Variants in YDJC observed in about 807,000 individuals in gnomAD.
YDJC encodes YdjC chitooligosaccharide deacetylase homolog, also known as carbohydrate deacetylase.
YDJC carries 23 observed loss-of-function variants against 18.9 expected under a neutral mutation model. The observed-to-expected ratio is 1.22, with a 90% confidence interval of 0.87 to 1.72. The LOEUF (loss-of-function observed/expected upper bound fraction) is 1.72, where lower values mean the gene tolerates loss of function less well. Ranked by LOEUF, YDJC falls within the 40% of genes most tolerant of loss-of-function variation. The pLI, the probability that YDJC is intolerant of heterozygous loss-of-function variation, is 0.00. For synonymous variants in YDJC, 224 were observed against 217.6 expected (o/e 1.03, Z -0.26); for missense variants, 467 against 470.8 (o/e 0.99, Z 0.07).
Position 21,628,525 on chromosome 22 carries a change from C to CCTGGGCAAG in YDJC, c.856_864dup (p.Leu286_Gln288dup). The CCTGGGCAAG allele has an allele frequency of 6.2e-7, 1 of 1,612,336 alleles. No homozygotes were observed. The highest frequency in any genetic ancestry group is 8.5e-7 in the Non-Finnish European group (1 of 1,179,082). On this transcript the variant is annotated inframe_insertion, in exon 5 of 5. Coordinates refer to ENST00000292778, the MANE Select transcript of YDJC (RefSeq NM_001017964.2). The stretch of plus-strand genomic sequence containing the variant: ...TCGAGGGCGCAAAGCTGCACGCCAT[C>CCTGGGCAAG]CTGGGCAAGCTGGGCCCGCAGCGTG...
Position 21,629,725 on chromosome 22 carries a change from G to A in YDJC, c.201C>T (p.Ser67=), listed in dbSNP as rs986584298. ...SIPTGLHANL[S]EGRPVGPARR... ...GGGCCGGACCCACGGGGCGGCCCTC[G>A]GACAGGTTGGCGTGGAGGCCCGTGG... Residue 67 remains serine (S), a synonymous_variant, in exon 2 of 5, where the codon TCC becomes TCT. Coordinates refer to ENST00000292778, the MANE Select transcript of YDJC (RefSeq NM_001017964.2). 37 of 1,567,300 alleles carry A rather than the reference G, an allele frequency of 2.4e-5. No homozygotes were observed. The highest frequency in any genetic ancestry group is 3.1e-5 in the Non-Finnish European group (36 of 1,158,844).
Position 21,628,472 on chromosome 22 carries a change from C to A in YDJC, c.918G>T (p.Glu306Asp). 6.3e-7 allele frequency: 1 copy of A among 1,598,792 alleles called. No individual in the cohort carries two copies. ...CCAGAGTGGGCTCACAGGGGACCTC[C>A]TCCCCTGGCCTCTTGGAGTCCAGGT... ...LDDLDSKRPG[E>D]EVPCEPTLEP... Residue 306 changes from glutamate (E) to aspartate (D), a missense_variant, in exon 5 of 5, where the codon GAG (glutamate) becomes GAT (aspartate). Physicochemically the swap from Glu to Asp is conservative, Grantham distance 45 (BLOSUM62 2). Transcript: ENST00000292778.
At chr22:21,629,500 T>C (rs746068374) in intron 2 of YDJC, 93 bp from the exon 3 acceptor site, 1 of 1,569,784 alleles carries the variant, frequency 6.4e-7, no homozygotes, top group Non-Finnish European at 8.6e-7. Flanking sequence ...AGTGTTTGAA[T>C]GCGGAAGTCA....
In YDJC at chr22:21,628,499, G is replaced by C. The variant is rs1229148846; in HGVS notation, c.891C>G (p.Asp297Glu). ...CCCCTGGCCTCTTGGAGTCCAGGTC[G>C]TCGAGGGCGCAAAGCTGCACGCCAT... is the stretch of plus-strand genomic sequence containing the variant. ...AQDGVQLCAL[D>E]DLDSKRPGEE... The change falls in exon 5 of 5, where the codon GAC (aspartate) becomes GAG (glutamate). Residue 297 changes from aspartate (D) to glutamate (E), a missense_variant. Asp to Glu is a conservative substitution (Grantham distance 45, BLOSUM62 2). Transcript: ENST00000292778. 5.0e-6 allele frequency: 8 copies of C among 1,611,342 alleles called. No individual in the cohort carries two copies. The highest frequency in any genetic ancestry group is 6.8e-6 in the Non-Finnish European group (8 of 1,178,276).
Position 21,629,616 on chromosome 22 carries a change from C to G in YDJC, c.310G>C (p.Val104Leu), listed in dbSNP as rs778200780. ...GFREAVAAGD[V>L]DLPQVREELE... Reference sequence around the variant, plus strand: ...CGGCTCCGCACCTGAGGCAAATCCACGTCTCCGGCCGCCACCGCCTCCCGG... The same window carrying G: ...CGGCTCCGCACCTGAGGCAAATCCAGGTCTCCGGCCGCCACCGCCTCCCGG... Residue 104 changes from valine (V) to leucine (L), a missense_variant, in exon 2 of 5, where the codon GTG (valine) becomes CTG (leucine). Transcript: ENST00000292778. The G allele has an allele frequency of 5.6e-6, 9 of 1,612,362 alleles. No individual in the cohort carries two copies. The African/African-American group carries it at 6.7e-5, about 12-fold the overall frequency.
At position 21,629,996 on chromosome 22, in the gene YDJC, G is replaced by C. The variant is rs745861188; in HGVS notation, c.19C>G (p.Arg7Gly). The change falls in exon 1 of 5, where the codon CGC becomes GGC. Residue 7 changes from arginine to glycine, a missense_variant. Arg to Gly is a moderately radical substitution (Grantham distance 125). Transcript: ENST00000292778. ...AAGTCGTCCGCGGTGACCACCAGGC[G>C]CATGCGAGGGCGGGACATGGCCGCC... is the stretch of plus-strand genomic sequence containing the variant. MSRPRM[R>G]LVVTADDFGY... The C allele has an allele frequency of 3.1e-6, 5 of 1,598,358 alleles. No individual in the cohort carries two copies.
chr22:21,629,387 G>C lies in YDJC; in HGVS notation c.345C>G (p.Ala115=), dbSNP rs1350405395. The change falls in exon 3 of 5, where the codon GCC becomes GCG. Residue 115 remains alanine (A), a synonymous_variant. Coordinates refer to ENST00000292778, the MANE Select transcript of YDJC (RefSeq NM_001017964.2). ...GCAGCTCCCGGAAGCAGCTTAGTTG[G>C]GCCTCGAGCTCCTCCCGCACCTAGA... ...DLPQVREELE[A]QLSCFRELLG... 6.5e-7 allele frequency: 1 copy of C among 1,548,900 alleles called. No individual in the cohort carries two copies. The highest frequency in any genetic ancestry group is 1.2e-5 in the South Asian group (1 of 84,048).
Position 21,628,793 on chromosome 22 carries a change from G to C in YDJC, c.603-6C>G. Reference sequence around the variant, plus strand: ...CCACGAAGGCGTCTGTCCACCTGTGGGGGGCGGGACATCAGAGGTGGGACC... The same window carrying C: ...CCACGAAGGCGTCTGTCCACCTGTGCGGGGCGGGACATCAGAGGTGGGACC... On this transcript the variant is annotated splice_region_variant and splice_polypyrimidine_tract_variant and intron_variant, in intron 4 of 4. Coordinates refer to ENST00000292778, the MANE Select transcript of YDJC (RefSeq NM_001017964.2). The C allele has an allele frequency of 6.8e-7, 1 of 1,472,134 alleles. No homozygotes were observed. The highest frequency in any genetic ancestry group is 1.3e-5 in the South Asian group (1 of 75,188). The allele number at this position is 1,472,134 out of a possible 1,614,324, so 91.2% of individuals were successfully genotyped here.
chr22:21,629,559 T>C lies in YDJC; in HGVS notation c.324+43A>G, dbSNP rs1930404708. On this transcript the variant is annotated intron_variant, in intron 2 of 4. Coordinates refer to ENST00000292778, the MANE Select transcript of YDJC (RefSeq NM_001017964.2). ...TCACAGTACCCTCCGGGCGGAGCTC[T>C]GGGGGTCCTCGCGAGCATCCTCCTG... The C allele has an allele frequency of 2.5e-6, 4 of 1,612,032 alleles. No individual in the cohort carries two copies. In the South Asian group the frequency reaches 3.3e-5, roughly 13 times the overall value.
chr22:21,628,146 T>G lies in YDJC; in HGVS notation c.*272A>C. 1 of 347,512 alleles carries G rather than the reference T, an allele frequency of 2.9e-6. No homozygotes were observed. Among genetic ancestry groups the G allele is most frequent in the Non-Finnish European group, 5.2e-6 (1 of 193,414 alleles). The allele number at this position is 347,512 out of a possible 1,614,324, so 21.5% of individuals were successfully genotyped here. On this transcript the variant is annotated 3_prime_UTR_variant, in exon 5 of 5. Transcript: ENST00000292778. ...CCATCTCTCCCCACTGCCCCAGTGG[T>G]GAAGGTGTTTGCATTGCAACATGGA...
rs1458816068 is a variant in YDJC, at chr22:21,629,187, C to A, written c.425G>T (p.Gly142Val). 13 of 1,543,978 alleles carry A rather than the reference C, an allele frequency of 8.4e-6. No homozygotes were observed. In the Middle Eastern group the frequency reaches 8.4e-4, roughly 99 times the overall value. ...DGHQHVHVLP[G>V]VCQVFAEALQ... ...CGCCTCGGCGAACACCTGGCACACG[C>A]CTGCGGGCGGAGCGGGTCAGGGAGG... Residue 142 changes from glycine (G) to valine (V), a missense_variant and splice_region_variant, in exon 4 of 5, where the codon GGC (glycine) becomes GTC (valine). Transcript: ENST00000292778.
At chr22:21,629,208 G>C (rs1027179939) in intron 3 of YDJC, 21 bp from the exon 4 acceptor site, 5 of 1,546,948 alleles carry the variant, frequency 3.2e-6, no homozygotes, top group Non-Finnish European at 3.5e-6. Flanking sequence ...AGCGGGTCAG[G>C]GAGGAGCACG....
In YDJC at chr22:21,628,887, G is replaced by A. The variant is rs1021335130; in HGVS notation, c.603-100C>T. The A allele has an allele frequency of 2.1e-6, 3 of 1,403,998 alleles. No individual in the cohort carries two copies. The African/African-American group carries it at 4.4e-5, about 21-fold the overall frequency. The allele number at this position is 1,403,998 out of a possible 1,614,324, so 87.0% of individuals were successfully genotyped here. The stretch of plus-strand genomic sequence containing the variant: ...GGCGGGGTGGGAGGGGGTAACTGGG[G>A]TGGCGGCAGCGGTCGACGCCAGACT... On this transcript the variant is annotated intron_variant, in intron 4 of 4. Transcript: ENST00000292778.
In YDJC at chr22:21,629,016, C is replaced by T; in HGVS notation, c.596G>A (p.Gly199Asp). The change falls in exon 4 of 5, where the codon GGC becomes GAC. Residue 199 changes from glycine to aspartate, a missense_variant. By Grantham distance (94) the Gly-to-Asp change is moderately conservative (BLOSUM62 -1). Transcript: ENST00000292778. Reference protein sequence around the residue: ...RAAVGPFSRHGLRWTDAFVGL... With the variant: ...RAAVGPFSRHDLRWTDAFVGL... ...ACGGGGCGGGGAGCCTCACCGCAGGCCGTGGCGGGAGAAGGGGCCCACGGC... is the reference window on the plus strand; with the variant it reads ...ACGGGGCGGGGAGCCTCACCGCAGGTCGTGGCGGGAGAAGGGGCCCACGGC... 6.8e-7 allele frequency: 1 copy of T among 1,472,546 alleles called. No homozygotes were observed. 91.2% of individuals were successfully genotyped at this position (1,472,546 alleles called of 1,614,324 possible).
At position 21,628,600 on chromosome 22, in the gene YDJC, A is replaced by T; in HGVS notation, c.790T>A (p.Phe264Ile). ...TGCAGCCGCTCCCAAGAGCAAGAGA[A>T]AGCGTCGGGGCCTTCACCGCAGCCG... ...TGGCGEGPDAFSCSWERLHEL... is the reference protein window; with the variant it reads ...TGGCGEGPDAISCSWERLHEL... The change falls in exon 5 of 5, where the codon TTC becomes ATC. Residue 264 changes from phenylalanine to isoleucine, a missense_variant. Phe to Ile is a conservative substitution (Grantham distance 21). Coordinates refer to ENST00000292778, the MANE Select transcript of YDJC (RefSeq NM_001017964.2). 1 of 1,604,960 alleles carries T rather than the reference A, an allele frequency of 6.2e-7. No individual in the cohort carries two copies. Among genetic ancestry groups the T allele is most frequent in the Non-Finnish European group, 8.5e-7 (1 of 1,175,700 alleles).
At position 21,628,623 on chromosome 22, in the gene YDJC, C is replaced by T. The variant is rs577921345; in HGVS notation, c.767G>A (p.Gly256Asp). ...GAAAGCGTCGGGGCCTTCACCGCAG[C>T]CGCCGGTGGGAGGCACACTGGGGTA... The part of the protein sequence containing the change: ...PGYPSVPPTG[G>D]CGEGPDAFSC... Residue 256 changes from glycine (G) to aspartate (D), a missense_variant, in exon 5 of 5, where the codon GGC becomes GAC. Physicochemically the swap from Gly to Asp is moderately conservative, Grantham distance 94. Coordinates refer to ENST00000292778, the MANE Select transcript of YDJC (RefSeq NM_001017964.2). The T allele has an allele frequency of 1.8e-5, 29 of 1,592,116 alleles. No homozygotes were observed. The highest frequency in any genetic ancestry group is 8.8e-5 in the Admixed American group (5 of 56,750).
In YDJC at chr22:21,629,313, AGCACGT is replaced by A. The variant is rs2148458469; in HGVS notation, c.413_418del (p.His138_Val139del). 6.4e-7 allele frequency: 1 copy of A among 1,550,460 alleles called. No homozygotes were observed. The highest frequency in any genetic ancestry group is 1.4e-5 in the African/African-American group (1 of 73,152). On this transcript the variant is annotated inframe_deletion, in exon 3 of 5. Transcript: ENST00000292778. ...TGGGATCACTAACCACGCACCTGGG[AGCACGT>A]GCACGTGCTGGTGCCCGTCCGCGTG... is the stretch of plus-strand genomic sequence containing the variant.
Position 21,629,168 on chromosome 22 carries a change from G to C in YDJC, c.444C>G (p.Ala148=), listed in dbSNP as rs144900776. Residue 148 remains alanine, a synonymous_variant, in exon 4 of 5, where the codon GCC becomes GCG. Transcript: ENST00000292778. ...GCACCCCATAGGCCTGCAGCGCCTC[G>C]GCGAACACCTGGCACACGCCTGCGG... ...HVLPGVCQVF[A]EALQAYGVRF... 71 of 1,541,942 alleles carry C rather than the reference G, an allele frequency of 4.6e-5. No individual in the cohort carries two copies. The highest frequency in any genetic ancestry group is 6.0e-5 in the Non-Finnish European group (69 of 1,145,944).
rs1246010611 is a variant in YDJC at position 21,628,778 on chromosome 22, G to A, written c.612C>T (p.Asp204=). The change falls in exon 5 of 5, where the codon GAC becomes GAT. Residue 204 remains aspartate, a synonymous_variant. Coordinates refer to ENST00000292778, the MANE Select transcript of YDJC (RefSeq NM_001017964.2). ...PFSRHGLRWT[D]AFVGLSTCGR... is the part of the protein sequence containing the mutation. Reference sequence around the variant, plus strand: ...CGCAAGTGCTCAGGCCCACGAAGGCGTCTGTCCACCTGTGGGGGGCGGGAC... The same window carrying A: ...CGCAAGTGCTCAGGCCCACGAAGGCATCTGTCCACCTGTGGGGGGCGGGAC... 5.4e-6 allele frequency: 8 copies of A among 1,484,704 alleles called. No individual in the cohort carries two copies. In the East Asian group the frequency reaches 1.8e-4, roughly 32 times the overall value. 92.0% of individuals were successfully genotyped at this position (1,484,704 alleles called of 1,614,324 possible).
Sources: allele counts gnomAD v4.1 joint callset, GRCh38; gene constraint gnomAD v4.1.1; transcripts MANE v1.5; gene names NCBI Gene and HGNC (gene_info 2026-07-23, HGNC 2026-07-21).